Variants in FSTL4 observed in about 807,000 individuals in gnomAD.
The protein encoded by FSTL4 is follistatin-related protein 4.
A neutral mutation model predicts 78.2 loss-of-function variants in FSTL4; 28 were observed. The observed-to-expected ratio is 0.36, with a 90% CI of 0.27 to 0.49. FSTL4 has a LOEUF of 0.49. FSTL4 is among the 20% of genes least tolerant of loss of function. FSTL4 has a pLI of 0.98. For missense variants in FSTL4, 922 were observed against 1,084.9 expected (o/e 0.85, Z 2.11); for synonymous variants, 422 against 440.5 (o/e 0.96, Z 0.53).
At chr5:133,366,974 T>A (rs953635418) in intron 4 of FSTL4, among the ~76,000 whole-genome samples, 1 of 152,222 alleles carries the variant, frequency 6.6e-6, no homozygotes, top group African/African-American at 2.4e-5. Context: ...TATTTAAATG[T>A]ATTGAAATGT....
chr5:133,430,420 T>C (rs1211284044), intron 3 of FSTL4, among the ~76,000 whole-genome samples: 1 of 152,148 alleles, frequency 6.6e-6, no homozygotes, highest in Non-Finnish European at 1.5e-5. Context: ...AGGACAGTGA[T>C]GTTTGTTGCC....
At chr5:133,402,963 G>A (rs897084515) in intron 3 of FSTL4, among the ~76,000 whole-genome samples, 8 of 152,214 alleles carry the variant, frequency 5.3e-5, no homozygotes, top group Non-Finnish European at 4.4e-5. Context: ...GCAGGCAGGC[G>A]CCTGGCAGGG....
intron 10 of FSTL4, among the ~76,000 whole-genome samples, chr5:133,224,751 G>A (rs73790240): frequency 0.011 from 1,733 of 152,324 alleles, 31 homozygotes; most frequent in African/African-American, 0.04. Flanking sequence ...GACCCCTAGT[G>A]TAAAGGCTAC....
At chr5:133,457,221 C>T (rs557370277) in intron 3 of FSTL4, among the ~76,000 whole-genome samples, 43 of 152,286 alleles carry the variant, frequency 2.8e-4, no homozygotes, top group African/African-American at 9.9e-4. Context: ...GGAATTTTAA[C>T]TCGGTTGCAA....
At chr5:133,830,632 C>A in the FSTL4 span, among the ~76,000 whole-genome samples, 13 of 152,280 alleles carry the variant, frequency 8.5e-5, no homozygotes, top group South Asian at 2.7e-3. Context: ...GATGAAAAAA[C>A]CGAGCCTCAG....
chr5:133,513,038 C>T (rs942461306), intron 3 of FSTL4, among the ~76,000 whole-genome samples: 19 of 152,230 alleles, frequency 1.2e-4, no homozygotes, highest in Admixed American at 7.2e-4. Context: ...CCAGGCTGGT[C>T]GTGAACTCCT....
At chr5:133,474,375 C>G (rs908847945) in intron 3 of FSTL4, among the ~76,000 whole-genome samples, 1 of 152,168 alleles carries the variant, frequency 6.6e-6, no homozygotes, top group Non-Finnish European at 1.5e-5. Flanking sequence ...AGCACAGCAC[C>G]CCCCGGAACA....
chr5:133,788,263 G>A, the FSTL4 span, among the ~76,000 whole-genome samples: 2 of 152,224 alleles, frequency 1.3e-5, no homozygotes, highest in African/African-American at 4.8e-5. Flanking sequence ...TCCATGGCTT[G>A]TTCTAGGACT....
At chr5:133,736,205 C>T in the FSTL4 span, among the ~76,000 whole-genome samples, 1 of 152,186 alleles carries the variant, frequency 6.6e-6, no homozygotes, top group Non-Finnish European at 1.5e-5. Flanking sequence ...TCCAGAAAAA[C>T]CTTTCTGTCC....
the FSTL4 span, among the ~76,000 whole-genome samples, chr5:133,838,581 A>G: frequency 5.9e-5 from 9 of 152,134 alleles, no homozygotes; most frequent in African/African-American, 1.9e-4. Flanking sequence ...GAAAGACTCA[A>G]ATTGCTAAAA....
At chr5:133,731,255 G>A in the FSTL4 span, among the ~76,000 whole-genome samples, 2 of 152,126 alleles carry the variant, frequency 1.3e-5, no homozygotes, top group Non-Finnish European at 1.5e-5. Flanking sequence ...GGTCTGGACA[G>A]GACTCGACTG....
chr5:133,791,832 C>G, the FSTL4 span, among the ~76,000 whole-genome samples: 1 of 152,236 alleles, frequency 6.6e-6, no homozygotes, highest in Non-Finnish European at 1.5e-5. Flanking sequence ...TTCCCCATGC[C>G]TTTCCTCTAG....
At position 133,217,252 on chromosome 5, in the gene FSTL4, T is replaced by C; in HGVS notation, c.1585A>G (p.Ile529Val). The change falls in exon 13 of 16, where the codon ATC becomes GTC. Residue 529 changes from isoleucine to valine, a missense_variant. Ile to Val is a conservative substitution (Grantham distance 29, BLOSUM62 3). Coordinates refer to ENST00000265342, the MANE Select transcript of FSTL4 (RefSeq NM_015082.2). The stretch of plus-strand genomic sequence containing the variant: ...ACCTGTAGGACTTTCTGGGCTTGGA[T>C]GTCGACCACAAGGACTCTGCTCAGT... ...PALSRVLVVD[I>V]QAQKVLQSIG... 1 of 1,614,088 alleles carries C rather than the reference T, an allele frequency of 6.2e-7. No individual in the cohort carries two copies.
intron 3 of FSTL4, among the ~76,000 whole-genome samples, chr5:133,406,972 C>T (rs2126976568): frequency 6.6e-6 from 1 of 152,328 alleles, no homozygotes; most frequent in African/African-American, 2.4e-5. Flanking sequence ...GGATAATCTG[C>T]TCAGCTGGTG....
At chr5:133,321,339 G>A (rs970841760) in intron 4 of FSTL4, among the ~76,000 whole-genome samples, 6 of 152,240 alleles carry the variant, frequency 3.9e-5, no homozygotes, top group East Asian at 1.9e-4. Context: ...CACTCTCCGT[G>A]CCCTGACACT....
intron 6 of FSTL4, among the ~76,000 whole-genome samples, chr5:133,251,780 T>A (rs1752249833): frequency 2.0e-5 from 3 of 152,204 alleles, no homozygotes; most frequent in African/African-American, 7.2e-5. Context: ...ACATAATATC[T>A]GGACCTGAGA....
the FSTL4 span, among the ~76,000 whole-genome samples, chr5:133,635,959 A>G: frequency 6.6e-6 from 1 of 152,164 alleles, no homozygotes; most frequent in African/African-American, 2.4e-5. Flanking sequence ...AGGCAGTAAA[A>G]TCACTATAGT....
At chr5:133,820,917 T>A in the FSTL4 span, among the ~76,000 whole-genome samples, 1 of 152,246 alleles carries the variant, frequency 6.6e-6, no homozygotes, top group Admixed American at 6.5e-5. Flanking sequence ...GATAGTGTAT[T>A]CTAATAAATA....
At chr5:133,500,752 A>G (rs1309195003) in intron 3 of FSTL4, among the ~76,000 whole-genome samples, 2 of 152,328 alleles carry the variant, frequency 1.3e-5, no homozygotes, top group East Asian at 3.9e-4. Context: ...CCTATTTCCA[A>G]AAAAGATTTC....
Sources: gnomAD v4.1 joint callset for allele counts (sites outside exome capture counted in the v4.1 genomes callset) on GRCh38, gnomAD v4.1.1 for gene constraint, MANE v1.5 for transcripts, NCBI Gene and HGNC (gene_info 2026-07-23, HGNC 2026-07-21) for gene names.